Variants in FSIP2 observed in about 807,000 individuals in gnomAD.
FSIP2 encodes the protein fibrous sheath-interacting protein 2.
In FSIP2, 367 loss-of-function variants were observed where a neutral mutation model predicts 510.5. The observed-to-expected ratio is 0.72, with a 90% CI of 0.66 to 0.78. The LOEUF is 0.78. Among genes scored for constraint, FSIP2 ranks in the 30% least tolerant of loss-of-function variants. The probability of loss-of-function intolerance (pLI) is 0.00; values close to 1 mark genes in which losing one functional copy is unlikely to be tolerated. For missense variants in FSIP2, 7,594 were observed against 7,901.7 expected (o/e 0.96, Z 1.48); for synonymous variants, 2,601 against 2,732.2 (o/e 0.95, Z 1.50).
intron 13 of FSIP2, chr2:185,765,500 T>C (rs1359308754): frequency 6.6e-6 from 1 of 152,090 alleles, no homozygotes; most frequent in South Asian, 2.1e-4. Context: ...TCCATTGATC[T>C]ATATCTTTGT....
In FSIP2 at chr2:185,805,559, G is replaced by A; in HGVS notation, c.16253G>A (p.Arg5418Lys). 6.2e-7 allele frequency: 1 copy of A among 1,611,216 alleles called. No individual in the cohort carries two copies. Among genetic ancestry groups the A allele is most frequent in the Non-Finnish European group, 8.5e-7 (1 of 1,178,382 alleles). The change falls in exon 17 of 23, where the codon AGG (arginine) becomes AAG (lysine). Residue 5418 changes from arginine to lysine, a missense_variant. Physicochemically the swap from Arg to Lys is conservative, Grantham distance 26 (BLOSUM62 2). Transcript: ENST00000424728. ...SFLNPDNITQ[R>K]VQHLPQNTFT... ...CTAAATCCAGATAATATCACCCAAAGGGTTCAACACCTACCACAAAACACC... is the reference window on the plus strand; with the variant it reads ...CTAAATCCAGATAATATCACCCAAAAGGTTCAACACCTACCACAAAACACC...
Position 185,799,777 on chromosome 2 carries a change from G to A in FSIP2, c.10471G>A (p.Asp3491Asn), listed in dbSNP as rs1232889905. 7.2e-6 allele frequency: 11 copies of A among 1,522,238 alleles called. No homozygotes were observed. Among genetic ancestry groups the A allele is most frequent in the South Asian group, 3.7e-5 (3 of 82,040 alleles). 94.3% of individuals were successfully genotyped at this position (1,522,238 alleles called of 1,614,324 possible). A position where few individuals can be genotyped will look rare whatever the true frequency, so the allele number is the denominator to read the frequency against. Residue 3491 changes from aspartate to asparagine, a missense_variant, in exon 17 of 23, where the codon GAT (aspartate) becomes AAT (asparagine). Asp to Asn is a conservative substitution (Grantham distance 23, BLOSUM62 1). Transcript: ENST00000424728. ...ESKQFLRNIY[D>N]DSSIYQCCEH... is the part of the protein sequence containing the mutation. ...AAAACAGTTCCTAAGAAACATATAC[G>A]ATGATTCTTCAATTTATCAATGTTG...
chr2:185,813,838 C>G lies in FSIP2; in HGVS notation c.20121C>G (p.Ser6707Arg). 6.2e-7 allele frequency: 1 copy of G among 1,613,552 alleles called. No individual in the cohort carries two copies. Among genetic ancestry groups the G allele is most frequent in the Non-Finnish European group, 8.5e-7 (1 of 1,179,732 alleles). ...CTCCTAAGTCAACACTAAGCACGAG[C>G]AGCCTGAAAAAATTTTTGTCACTAA... ...KLSPKSTLST[S>R]SLKKFLSLSK... is the part of the protein sequence containing the mutation. Residue 6707 changes from serine (S) to arginine (R), a missense_variant, in exon 18 of 23, where the codon AGC becomes AGG. By Grantham distance (110) the Ser-to-Arg change is moderately radical. Coordinates refer to ENST00000424728, the MANE Select transcript of FSIP2 (RefSeq NM_173651.4).
intron 13 of FSIP2, among the ~76,000 whole-genome samples, chr2:185,775,610 C>G (rs1203371114): frequency 6.6e-6 from 1 of 152,036 alleles, no homozygotes; most frequent in Non-Finnish European, 1.5e-5. Context: ...ATAGAACACT[C>G]CCAGACCATC....
upstream of FSIP2, among the ~76,000 whole-genome samples, chr2:185,737,295 C>A (rs959097711): frequency 1.4e-4 from 21 of 152,254 alleles, no homozygotes; most frequent in Admixed American, 1.4e-3. Flanking sequence ...GATACAGAGA[C>A]CAAGTAACAG....
At chr2:185,757,756 A>AT (rs1316678835) in intron 9 of FSIP2, among the ~76,000 whole-genome samples, 2 of 151,124 alleles carry the variant, frequency 1.3e-5, no homozygotes, top group Non-Finnish European at 3.0e-5. Context: ...TTGTCTTTGT[A>AT]TTTTTTCATT....
chr2:185,748,556 C>A (rs1692082395), intron 7 of FSIP2, among the ~76,000 whole-genome samples: 1 of 151,912 alleles, frequency 6.6e-6, no homozygotes, highest in Non-Finnish European at 1.5e-5. Flanking sequence ...GGCGGCAGAG[C>A]AAGACTCCAT....
rs947272850 is a variant in FSIP2 at position 185,791,392 on chromosome 2, A to G, written c.4256A>G (p.Asn1419Ser). 1.8e-5 allele frequency: 28 copies of G among 1,534,134 alleles called. No individual in the cohort carries two copies. Among genetic ancestry groups the G allele is most frequent in the Middle Eastern group, 1.7e-4 (1 of 5,994 alleles). ...LATPCTHHSV[N>S]GGNHIKENAK... ...ACTCCTTGTACTCACCACAGTGTCA[A>G]TGGTGGAAACCATATTAAAGAGAAT... is the stretch of plus-strand genomic sequence containing the variant. The change falls in exon 16 of 23, where the codon AAT becomes AGT. Residue 1419 changes from asparagine to serine, a missense_variant. Coordinates refer to ENST00000424728, the MANE Select transcript of FSIP2 (RefSeq NM_173651.4).
rs530657299 is a variant in FSIP2 at position 185,802,281 on chromosome 2, T to A, written c.12975T>A (p.His4325Gln). Residue 4325 changes from histidine (H) to glutamine (Q), a missense_variant, in exon 17 of 23, where the codon CAT (histidine) becomes CAA (glutamine). Coordinates refer to ENST00000424728, the MANE Select transcript of FSIP2 (RefSeq NM_173651.4). ...TGTCAAAGATTTTCAGCCCAAAGCA[T>A]AACACTGAAATTGAGTTGAAAAACA... is the stretch of plus-strand genomic sequence containing the variant. ...RLLSKIFSPK[H>Q]NTEIELKNMT... is the part of the protein sequence containing the mutation. The A allele has an allele frequency of 1.3e-6, 2 of 1,533,826 alleles. No individual in the cohort carries two copies. The highest frequency in any genetic ancestry group is 4.9e-5 in the East Asian group (2 of 40,842).
upstream of FSIP2, among the ~76,000 whole-genome samples, chr2:185,737,985 C>G (rs1691819459): frequency 6.6e-6 from 1 of 152,048 alleles, no homozygotes. Context: ...GTGTTTGGCA[C>G]AGTATATGGA....
Position 185,794,237 on chromosome 2 carries a change from A to C in FSIP2, c.7101A>C (p.Leu2367Phe). ...SAILKLIKND[L>F]DLEIQKIYPY... ...TTTTGAAGCTTATTAAAAATGACTT[A>C]GACTTAGAAATTCAAAAGATATATC... Residue 2367 changes from leucine to phenylalanine, a missense_variant, in exon 16 of 23, where the codon TTA becomes TTC. Physicochemically the swap from Leu to Phe is conservative, Grantham distance 22. Coordinates refer to ENST00000424728, the MANE Select transcript of FSIP2 (RefSeq NM_173651.4). The C allele has an allele frequency of 2.0e-6, 3 of 1,534,102 alleles. No individual in the cohort carries two copies. The highest frequency in any genetic ancestry group is 1.7e-6 in the Non-Finnish European group (2 of 1,145,488).
At chr2:185,756,092 T>G in intron 8 of FSIP2, 100 bp from the exon 9 acceptor site, 1 of 429,620 alleles carries the variant, frequency 2.3e-6, no homozygotes, top group Admixed American at 3.9e-5. Flanking sequence ...GATTAGCATA[T>G]AGTTCAGCTC....
At position 185,806,908 on chromosome 2, in the gene FSIP2, C is replaced by G; in HGVS notation, c.17602C>G (p.Pro5868Ala). The G allele has an allele frequency of 6.2e-7, 1 of 1,610,078 alleles. No homozygotes were observed. The highest frequency in any genetic ancestry group is 8.5e-7 in the Non-Finnish European group (1 of 1,178,298). Residue 5868 changes from proline to alanine, a missense_variant, in exon 17 of 23, where the codon CCA becomes GCA. Pro to Ala is a conservative substitution (Grantham distance 27, BLOSUM62 -1). Coordinates refer to ENST00000424728, the MANE Select transcript of FSIP2 (RefSeq NM_173651.4). ...AGTGTCTTCAGTTCCTAAAGTACCT[C>G]CAAGGTATAAAGAGCCAACTACAGA... ...GKVSSVPKVPPRYKEPTTDEA... is the reference protein window; with the variant it reads ...GKVSSVPKVPARYKEPTTDEA...
chr2:185,740,972 C>T (rs1013682376), intron 2 of FSIP2, among the ~76,000 whole-genome samples: 2 of 152,060 alleles, frequency 1.3e-5, no homozygotes, highest in African/African-American at 4.8e-5. Flanking sequence ...TATAATTGCT[C>T]TTTAAAAAAA....
rs865814712 is a variant in FSIP2, at chr2:185,764,919, T to C, written c.1411+354T>C. 12 of 166,824 alleles carry C rather than the reference T, an allele frequency of 7.2e-5. No individual in the cohort carries two copies. The South Asian group carries it at 2.3e-3, about 32-fold the overall frequency. 10.3% of individuals were successfully genotyped at this position (166,824 alleles called of 1,614,324 possible). A position where few individuals can be genotyped will look rare whatever the true frequency, so the allele number is the denominator to read the frequency against. On this transcript the variant is annotated intron_variant, in intron 13 of 22. Transcript: ENST00000424728. Reference sequence around the variant, plus strand: ...TATTTTCTTTTTGTTATTTTTATTGTTTGTACTAATGTTGACAACCAAAAT... The same window carrying C: ...TATTTTCTTTTTGTTATTTTTATTGCTTGTACTAATGTTGACAACCAAAAT...
intron 17 of FSIP2, among the ~76,000 whole-genome samples, chr2:185,810,269 G>A (rs1693697424): frequency 6.6e-6 from 1 of 152,064 alleles, no homozygotes; most frequent in Non-Finnish European, 1.5e-5. Flanking sequence ...CCTGGTGGAA[G>A]GTGTCTGGGT....
At position 185,807,362 on chromosome 2, in the gene FSIP2, CTCTTT is replaced by C; in HGVS notation, c.18060_18064del (p.Phe6021GlnfsTer15). ...AAATTTTTGGAGAATGTGATTTCTG[CTCTTT>C]TCTCCAAAATTTTCTCAACAATATC... On this transcript the variant is annotated frameshift_variant, in exon 17 of 23. Coordinates refer to ENST00000424728, the MANE Select transcript of FSIP2 (RefSeq NM_173651.4). LOFTEE classifies it high-confidence loss of function. 6.2e-7 allele frequency: 1 copy of C among 1,609,244 alleles called. No homozygotes were observed. Among genetic ancestry groups the C allele is most frequent in the Non-Finnish European group, 8.5e-7 (1 of 1,178,442 alleles).
In FSIP2 at chr2:185,802,520, T is replaced by C; in HGVS notation, c.13214T>C (p.Ile4405Thr). 1.3e-6 allele frequency: 2 copies of C among 1,531,786 alleles called. No homozygotes were observed. Among genetic ancestry groups the C allele is most frequent in the Non-Finnish European group, 1.7e-6 (2 of 1,144,690 alleles). The allele number at this position is 1,531,786 out of a possible 1,614,324, so 94.9% of individuals were successfully genotyped here. A position where few individuals can be genotyped will look rare whatever the true frequency, so the allele number is the denominator to read the frequency against. The stretch of plus-strand genomic sequence containing the variant: ...GACAGTGGCATTTTTGTGGAAAATA[T>C]TACCAATTTAATTGTAGCAGCTATT... Reference protein sequence around the residue: ...SEDSGIFVENITNLIVAAISD... With the variant: ...SEDSGIFVENTTNLIVAAISD... The change falls in exon 17 of 23, where the codon ATT becomes ACT. Residue 4405 changes from isoleucine (I) to threonine (T), a missense_variant. By Grantham distance (89) the Ile-to-Thr change is moderately conservative. Transcript: ENST00000424728.
rs1030997905 is a variant in FSIP2 at position 185,738,931 on chromosome 2, A to C, written c.37A>C (p.Lys13Gln). Reference protein sequence around the residue: ...LYLGACSKPAKVAVTKTVASV... With the variant: ...LYLGACSKPAQVAVTKTVASV... Reference sequence around the variant, plus strand: ...CCTCGGCGCCTGCTCCAAGCCTGCCAAAGTCGCCGTCACCAAGACGGTCGC... The same window carrying C: ...CCTCGGCGCCTGCTCCAAGCCTGCCCAAGTCGCCGTCACCAAGACGGTCGC... The change falls in exon 1 of 23, where the codon AAA becomes CAA. Residue 13 changes from lysine (K) to glutamine (Q), a missense_variant. Lys to Gln is a moderately conservative substitution (Grantham distance 53, BLOSUM62 1). Transcript: ENST00000424728. 1.2e-5 allele frequency: 18 copies of C among 1,534,598 alleles called. No homozygotes were observed. Among genetic ancestry groups the C allele is most frequent in the Non-Finnish European group, 1.6e-5 (18 of 1,146,680 alleles).
Sources: allele counts gnomAD v4.1 joint callset (sites outside exome capture counted in the v4.1 genomes callset), GRCh38; gene constraint gnomAD v4.1.1; transcripts MANE v1.5; gene names NCBI Gene and HGNC (gene_info 2026-07-23, HGNC 2026-07-21).